Variants in HCRTR2 observed in about 807,000 individuals in gnomAD.
HCRTR2 encodes the protein orexin receptor type 2.
Under a neutral mutation model 49.0 loss-of-function variants are expected in HCRTR2, and 22 were observed. The observed-to-expected ratio is 0.45, with a 90% CI of 0.32 to 0.64. HCRTR2 has a LOEUF of 0.64. HCRTR2 is among the 30% of genes least tolerant of loss of function. HCRTR2 has a pLI of 0.04. For missense variants in HCRTR2, 491 were observed against 559.4 expected (o/e 0.88, Z 1.23); for synonymous variants, 236 against 205.3 (o/e 1.15, Z -1.28).
intron 5 of HCRTR2, among the ~76,000 whole-genome samples, chr6:55,278,087 C>CA: frequency 6.6e-6 from 1 of 152,172 alleles, no homozygotes; most frequent in African/African-American, 2.4e-5. Flanking sequence ...AAAAAGCCAT[C>CA]AAGGCAGATA....
chr6:55,218,040 C>T (rs1765821621), intron 1 of HCRTR2, among the ~76,000 whole-genome samples: 1 of 152,180 alleles, frequency 6.6e-6, no homozygotes, highest in Admixed American at 6.5e-5. Context: ...CTCATTGTAT[C>T]ATAACATGGC....
At chr6:55,175,581 G>C (rs1765025827) in intron 1 of HCRTR2, among the ~76,000 whole-genome samples, 1 of 151,474 alleles carries the variant, frequency 6.6e-6, no homozygotes, top group African/African-American at 2.4e-5. Context: ...TTGTTGTTTT[G>C]TTTTGTTTTG....
At chr6:55,252,609 A>T (rs1766573473) in intron 2 of HCRTR2, among the ~76,000 whole-genome samples, 1 of 152,062 alleles carries the variant, frequency 6.6e-6, no homozygotes, top group Non-Finnish European at 1.5e-5. Context: ...GAATAAGGTG[A>T]TACTGGTTTG....
chr6:55,182,276 C>T (rs1338911316), intron 1 of HCRTR2, among the ~76,000 whole-genome samples: 1 of 152,202 alleles, frequency 6.6e-6, no homozygotes, highest in Non-Finnish European at 1.5e-5. Flanking sequence ...TCGTGTAGTC[C>T]CTTTGCATAT....
intron 1 of HCRTR2, among the ~76,000 whole-genome samples, chr6:55,216,816 C>T (rs943196126): frequency 6.6e-6 from 1 of 152,162 alleles, no homozygotes; most frequent in Non-Finnish European, 1.5e-5. Flanking sequence ...GCTCTCACCC[C>T]GTATTTTTAC....
upstream of HCRTR2, among the ~76,000 whole-genome samples, chr6:55,172,160 A>C (rs2127267712): frequency 6.6e-6 from 1 of 152,346 alleles, no homozygotes; most frequent in Admixed American, 6.5e-5. Context: ...TAATAGCATT[A>C]GAATTTAAGG....
chr6:55,171,997 G>A (rs1764957432), upstream of HCRTR2, among the ~76,000 whole-genome samples: 1 of 152,142 alleles, frequency 6.6e-6, no homozygotes, highest in African/African-American at 2.4e-5. Context: ...GCATGGAAGA[G>A]TAAAATGCAG....
rs779579203 is a variant in HCRTR2 at position 55,248,786 on chromosome 6, A to G, written c.371A>G (p.Gln124Arg). 19 of 1,613,336 alleles carry G rather than the reference A, an allele frequency of 1.2e-5. 1 individual carries two copies. In the South Asian group the frequency reaches 2.0e-4, roughly 17 times the overall value. ...VDITETWFFG[Q>R]SLCKVIPYLQ... ...ATCACTGAGACCTGGTTTTTTGGAC[A>G]GTCCCTTTGCAAAGTGATTCCTTAT... Residue 124 changes from glutamine to arginine, a missense_variant, in exon 2 of 7, where the codon CAG becomes CGG. By Grantham distance (43) the Gln-to-Arg change is conservative. Transcript: ENST00000370862.
chr6:55,109,465 TA>T (rs770234196), intron 1 of HCRTR2, among the ~76,000 whole-genome samples: 16 of 148,264 alleles, frequency 1.1e-4, no homozygotes, highest in Admixed American at 2.0e-4. Flanking sequence ...TTAAAGAAAT[TA>T]AAAAAAAAAG....
chr6:55,266,420 A>T lies in HCRTR2; in HGVS notation c.762+2598A>T, dbSNP rs138227630. Among the ~76,000 whole-genome samples the T allele has an allele frequency of 4.4e-3, 671 of 152,286 alleles. 4 individuals carry two copies. The highest frequency in any genetic ancestry group is 0.015 in the African/African-American group (612 of 41,570). On this transcript the variant is annotated intron_variant, in intron 4 of 6. Coordinates refer to ENST00000370862, the MANE Select transcript of HCRTR2 (RefSeq NM_001384272.1). ...AAAGTGCTGGGAAAGTTTAGAGAGG[A>T]CATAGAGAATCTATTGCCCAGTTAC...
chr6:55,116,487 A>G (rs891111662), intron 1 of HCRTR2, among the ~76,000 whole-genome samples: 4 of 151,264 alleles, frequency 2.6e-5, no homozygotes, highest in Non-Finnish European at 5.9e-5. Flanking sequence ...GAGGGAAAGA[A>G]AAAAATGGGA....
intron 1 of HCRTR2, among the ~76,000 whole-genome samples, chr6:55,118,208 A>G (rs1764146741): frequency 6.6e-6 from 1 of 151,880 alleles, no homozygotes; most frequent in Admixed American, 6.6e-5. Context: ...AGCTCCATCC[A>G]TGTTCCTATA....
chr6:55,215,117 A>G (rs140257744), intron 1 of HCRTR2, among the ~76,000 whole-genome samples: 3 of 152,340 alleles, frequency 2.0e-5, no homozygotes, highest in African/African-American at 7.2e-5. Context: ...AGAAAAGTCT[A>G]TACTTCAGCA....
At chr6:55,111,036 G>C (rs1474593855) in intron 1 of HCRTR2, among the ~76,000 whole-genome samples, 1 of 152,026 alleles carries the variant, frequency 6.6e-6, no homozygotes, top group African/African-American at 2.4e-5. Context: ...GTTCAGACCA[G>C]AGTGGAATAA....
At chr6:55,134,925 AATT>A (rs1764412905) in intron 1 of HCRTR2, among the ~76,000 whole-genome samples, 1 of 151,954 alleles carries the variant, frequency 6.6e-6, no homozygotes, top group Admixed American at 6.6e-5. Flanking sequence ...ATACTTTGGC[AATT>A]ATTAATAATA....
intron 1 of HCRTR2, among the ~76,000 whole-genome samples, chr6:55,201,826 T>C (rs1282924679): frequency 1.3e-5 from 2 of 152,146 alleles, no homozygotes; most frequent in African/African-American, 4.8e-5. Context: ...CAAACTCAGA[T>C]TTTATAGCAA....
chr6:55,108,750 A>C (rs1764009255), intron 1 of HCRTR2, among the ~76,000 whole-genome samples: 1 of 152,020 alleles, frequency 6.6e-6, no homozygotes. Flanking sequence ...GGCCACAGGG[A>C]GAAGAAAACA....
At chr6:55,180,316 G>A (rs1477437154) in intron 1 of HCRTR2, among the ~76,000 whole-genome samples, 1 of 152,194 alleles carries the variant, frequency 6.6e-6, no homozygotes, top group Non-Finnish European at 1.5e-5. Flanking sequence ...ACTTCATCCT[G>A]CCTCTTTCCT....
intron 1 of HCRTR2, among the ~76,000 whole-genome samples, chr6:55,109,450 C>A (rs1228500188): frequency 4.0e-5 from 6 of 151,346 alleles, no homozygotes; most frequent in Non-Finnish European, 8.8e-5. Context: ...AAGGTGAATA[C>A]CAACTTAAAG....
Sources: allele counts gnomAD v4.1 joint callset (sites outside exome capture counted in the v4.1 genomes callset), GRCh38; gene constraint gnomAD v4.1.1; transcripts MANE v1.5; gene names NCBI Gene and HGNC (gene_info 2026-07-23, HGNC 2026-07-21).